Variants in DCC observed in about 807,000 individuals in gnomAD.
DCC encodes the protein DCC netrin 1 receptor, also known as netrin receptor DCC.
DCC carries 58 observed loss-of-function variants against 172.5 expected under a neutral mutation model. That is an observed-to-expected ratio of 0.34 (90% CI 0.27 to 0.42). The LOEUF is 0.42. Ranked by LOEUF, DCC falls within the 10% of genes least tolerant of loss-of-function variation. DCC has a pLI of 1.00. For missense variants in DCC, 1,740 were observed against 1,791.0 expected (o/e 0.97, Z 0.51); for synonymous variants, 709 against 644.5 (o/e 1.10, Z -1.52).
intron 14 of DCC, among the ~76,000 whole-genome samples, chr18:53,329,271 A>C (rs2057504613): frequency 6.6e-6 from 1 of 150,570 alleles, no homozygotes; most frequent in African/African-American, 2.5e-5. Context: ...CTGTTATTAA[A>C]GAAGATAGAG....
intron 2 of DCC, among the ~76,000 whole-genome samples, chr18:52,899,178 C>T (rs1264432679): frequency 1.3e-5 from 2 of 151,970 alleles, no homozygotes; most frequent in African/African-American, 4.8e-5. Flanking sequence ...AAGACAGGAT[C>T]TCTCTCTGCC....
chr18:53,043,794 C>T (rs1310641246), intron 5 of DCC, among the ~76,000 whole-genome samples: 1 of 151,858 alleles, frequency 6.6e-6, no homozygotes, highest in African/African-American at 2.4e-5. Context: ...GATACTTTTG[C>T]ACTATGAAAT....
intron 15 of DCC, among the ~76,000 whole-genome samples, chr18:53,346,189 T>A (rs1451858437): frequency 6.6e-6 from 1 of 152,074 alleles, no homozygotes; most frequent in Non-Finnish European, 1.5e-5. Context: ...AATATATACT[T>A]TTTTATTTTT....
chr18:53,373,107 G>A (rs887875520), intron 15 of DCC, among the ~76,000 whole-genome samples: 1 of 152,064 alleles, frequency 6.6e-6, no homozygotes, highest in Non-Finnish European at 1.5e-5. Context: ...ACATGCAGCT[G>A]TATTAAAAAC....
intron 10 of DCC, 142 bp from the exon 11 acceptor site, chr18:53,207,537 C>G: frequency 1.3e-6 from 1 of 762,648 alleles, no homozygotes; most frequent in Non-Finnish European, 2.2e-6. Flanking sequence ...GTCTGTGTCA[C>G]AAGGTAGGTT....
chr18:52,771,423 C>T (rs1298508531), intron 2 of DCC, among the ~76,000 whole-genome samples: 3 of 152,216 alleles, frequency 2.0e-5, no homozygotes, highest in Admixed American at 6.5e-5. Flanking sequence ...CCTTAGAGAG[C>T]CACTAGCCTT....
intron 1 of DCC, among the ~76,000 whole-genome samples, chr18:52,670,802 T>G (rs1336904875): frequency 2.0e-5 from 3 of 151,662 alleles, no homozygotes; most frequent in Admixed American, 2.0e-4. Flanking sequence ...ATTGCGCCAC[T>G]GCACTCCAGC....
intron 15 of DCC, among the ~76,000 whole-genome samples, chr18:53,372,396 T>C (rs1339548089): frequency 6.6e-6 from 1 of 151,972 alleles, no homozygotes; most frequent in Non-Finnish European, 1.5e-5. Flanking sequence ...TTATAAGTGT[T>C]TGCTAAACAG....
At chr18:52,471,944 G>C (rs199836324) in intron 1 of DCC, among the ~76,000 whole-genome samples, 2 of 152,134 alleles carry the variant, frequency 1.3e-5, no homozygotes, top group African/African-American at 4.8e-5. Flanking sequence ...GTCAGTTTTC[G>C]CTGCTGAAGA....
At chr18:53,469,379 G>T (rs1234811520) in intron 25 of DCC, among the ~76,000 whole-genome samples, 1 of 152,194 alleles carries the variant, frequency 6.6e-6, no homozygotes, top group Admixed American at 6.5e-5. Context: ...ATTTGGAAAT[G>T]ACACTGTATT....
At chr18:53,322,467 A>C (rs2144827808) in intron 14 of DCC, among the ~76,000 whole-genome samples, 1 of 152,290 alleles carries the variant, frequency 6.6e-6, no homozygotes, top group South Asian at 2.1e-4. Flanking sequence ...ACTGACCTTA[A>C]CCATTTCGTT....
chr18:52,977,659 G>A (rs2041140899), intron 5 of DCC, among the ~76,000 whole-genome samples: 1 of 152,064 alleles, frequency 6.6e-6, no homozygotes, highest in African/African-American at 2.4e-5. Context: ...GCCGAGGCGG[G>A]TGGATCATGA....
At chr18:52,533,572 G>T (rs966085322) in intron 1 of DCC, among the ~76,000 whole-genome samples, 2 of 151,994 alleles carry the variant, frequency 1.3e-5, no homozygotes, top group Non-Finnish European at 2.9e-5. Context: ...TGTATCAGTA[G>T]TTCAGTCCTG....
intron 1 of DCC, among the ~76,000 whole-genome samples, chr18:52,718,909 A>C (rs1283809147): frequency 6.6e-6 from 1 of 152,198 alleles, no homozygotes; most frequent in Admixed American, 6.5e-5. Flanking sequence ...CACAAATTGG[A>C]TGGCTTAAAA....
chr18:52,601,644 C>T (rs1026818228), intron 1 of DCC, among the ~76,000 whole-genome samples: 58 of 152,122 alleles, frequency 3.8e-4, no homozygotes, highest in African/African-American at 1.3e-3. Context: ...ACCAAAATTG[C>T]AGCCATCCTT....
intron 1 of DCC, among the ~76,000 whole-genome samples, chr18:52,663,385 A>G (rs1326594103): frequency 6.6e-6 from 1 of 152,156 alleles, no homozygotes; most frequent in Non-Finnish European, 1.5e-5. Flanking sequence ...CTTCCAGATG[A>G]CAGCTGAGTG....
chr18:53,073,538 A>T (rs1314004302), intron 7 of DCC, among the ~76,000 whole-genome samples: 2 of 152,116 alleles, frequency 1.3e-5, no homozygotes, highest in African/African-American at 4.8e-5. Context: ...AATAATAATG[A>T]TAATAATAAT....
intron 1 of DCC, among the ~76,000 whole-genome samples, chr18:52,603,714 G>T (rs943807794): frequency 6.6e-6 from 1 of 150,928 alleles, no homozygotes; most frequent in Non-Finnish European, 1.5e-5. Context: ...AAAACAGAAA[G>T]GAATGACACT....
intron 5 of DCC, among the ~76,000 whole-genome samples, chr18:52,982,041 T>A (rs961790015): frequency 1.3e-5 from 2 of 152,116 alleles, no homozygotes; most frequent in Non-Finnish European, 2.9e-5. Flanking sequence ...TGAAACCAGA[T>A]GCTTACATAA....
Sources: gnomAD v4.1 joint callset for allele counts (sites outside exome capture counted in the v4.1 genomes callset) on GRCh38, gnomAD v4.1.1 for gene constraint, MANE v1.5 for transcripts, NCBI Gene and HGNC (gene_info 2026-07-23, HGNC 2026-07-21) for gene names.